PLEKHM1: variants seen among roughly 807,000 people sequenced by gnomAD.
PLEKHM1 encodes pleckstrin homology and RUN domain containing M1, also known as pleckstrin homology domain-containing family M member 1.
A neutral mutation model predicts 94.3 loss-of-function variants in PLEKHM1; 28 were observed. The observed-to-expected ratio is 0.30, with a 90% CI of 0.22 to 0.41. The LOEUF (loss-of-function observed/expected upper bound fraction) is 0.41. Among genes scored for constraint, PLEKHM1 ranks in the 10% least tolerant of loss-of-function variants. The pLI is 1.00. For synonymous variants in PLEKHM1, 424 were observed against 581.2 expected (o/e 0.73, Z 3.89); for missense variants, 907 against 1,358.6 (o/e 0.67, Z 5.22).
intron 4 of PLEKHM1, among the ~76,000 whole-genome samples, chr17:45,469,739 C>T (rs1436668427): frequency 1.3e-5 from 2 of 152,184 alleles, no homozygotes; most frequent in East Asian, 1.9e-4. Flanking sequence ...CATTTCAAGA[C>T]ATTATGGTCA....
intron 9 of PLEKHM1, among the ~76,000 whole-genome samples, chr17:45,442,087 C>G (rs2050466024): frequency 6.6e-6 from 1 of 152,118 alleles, no homozygotes; most frequent in African/African-American, 2.4e-5. Flanking sequence ...GGTGGGTGGA[C>G]AGGGTGTGGG....
intron 5 of PLEKHM1, among the ~76,000 whole-genome samples, chr17:45,463,567 A>G (rs1243453792): frequency 3.9e-5 from 6 of 152,064 alleles, no homozygotes; most frequent in Non-Finnish European, 5.9e-5. Context: ...TAATTTTTGT[A>G]TTTTTAGTAC....
intron 9 of PLEKHM1, among the ~76,000 whole-genome samples, chr17:45,443,467 TC>T (rs1189185330): frequency 2.0e-5 from 3 of 152,242 alleles, no homozygotes; most frequent in Admixed American, 2.0e-4. Flanking sequence ...CCATGGGACT[TC>T]CACAGGCATG....
At chr17:45,435,326 T>C (rs2050230300), downstream of PLEKHM1, among the ~76,000 whole-genome samples, 1 of 152,236 alleles carries the variant, frequency 6.6e-6, no homozygotes, top group Non-Finnish European at 1.5e-5. Context: ...TTCCTGCTCC[T>C]GTTCTTAAAA....
At chr17:45,478,926 G>T (rs973873645) in intron 2 of PLEKHM1, among the ~76,000 whole-genome samples, 1 of 151,982 alleles carries the variant, frequency 6.6e-6, no homozygotes, top group Non-Finnish European at 1.5e-5. Flanking sequence ...CCACTTAACC[G>T]CTTTGAGCCT....
chr17:45,463,232 A>T (rs559770150), intron 5 of PLEKHM1, among the ~76,000 whole-genome samples: 3 of 152,084 alleles, frequency 2.0e-5, no homozygotes, highest in Non-Finnish European at 4.4e-5. Context: ...TTACTCTCTT[A>T]AGCAACAGGG....
chr17:45,478,294 T>G, intron 2 of PLEKHM1, 147 bp from the exon 3 acceptor site: 2 of 886,284 alleles, frequency 2.3e-6, no homozygotes, highest in South Asian at 2.8e-5. Context: ...TCTGCAAAAT[T>G]AGCACATTGT....
intron 1 of PLEKHM1, among the ~76,000 whole-genome samples, chr17:45,482,983 C>T (rs1448299532): frequency 6.6e-6 from 1 of 151,852 alleles, no homozygotes; most frequent in Non-Finnish European, 1.5e-5. Flanking sequence ...TCCTGCAACA[C>T]CCTGCCCCCA....
chr17:45,436,610 C>T lies in PLEKHM1; in HGVS notation c.*1248G>A, dbSNP rs1297385454. The T allele has an allele frequency of 2.2e-6, 1 of 453,962 alleles. No homozygotes were observed. Among genetic ancestry groups the T allele is most frequent in the Non-Finnish European group, 4.4e-6 (1 of 226,614 alleles). The allele number at this position is 453,962 out of a possible 1,614,324, so 28.1% of individuals were successfully genotyped here. A position where few individuals can be genotyped will look rare whatever the true frequency, so the allele number is the denominator to read the frequency against. Reference sequence around the variant, plus strand: ...GGCGACAGAGAGACCAGCAAACCCACATTTCCCCGAAGCCTGGAGGGTCTG... The same window carrying T: ...GGCGACAGAGAGACCAGCAAACCCATATTTCCCCGAAGCCTGGAGGGTCTG... On this transcript the variant is annotated 3_prime_UTR_variant, in exon 12 of 12. Transcript: ENST00000430334.
chr17:45,459,956 T>C (rs537328770), intron 5 of PLEKHM1: 10 of 150,222 alleles, frequency 6.7e-5, no homozygotes, highest in African/African-American at 2.4e-4. Flanking sequence ...TTTGCAGAAG[T>C]AATTAGTTAA....
intron 4 of PLEKHM1, among the ~76,000 whole-genome samples, chr17:45,472,481 G>C (rs2051548984): frequency 6.6e-6 from 1 of 152,196 alleles, no homozygotes; most frequent in Non-Finnish European, 1.5e-5. Flanking sequence ...CATATGACAA[G>C]GGATGGCTGG....
At chr17:45,476,546 C>T (rs1385168777) in intron 3 of PLEKHM1, among the ~76,000 whole-genome samples, 1 of 152,098 alleles carries the variant, frequency 6.6e-6, no homozygotes, top group East Asian at 1.9e-4. Flanking sequence ...GGGGTAATGG[C>T]CCCACACCCA....
Position 45,468,557 on chromosome 17 carries a change from A to T in PLEKHM1, c.960T>A (p.Ser320=), listed in dbSNP as rs2051397009. 6.2e-7 allele frequency: 1 copy of T among 1,614,230 alleles called. No individual in the cohort carries two copies. The highest frequency in any genetic ancestry group is 8.5e-7 in the Non-Finnish European group (1 of 1,180,040). The change falls in exon 5 of 12, where the codon TCT becomes TCA. Residue 320 remains serine, a synonymous_variant. Coordinates refer to ENST00000430334, the MANE Select transcript of PLEKHM1 (RefSeq NM_014798.3). ...CTTGGCTCAGTCCGTTGGTTGGCAC[A>T]GAGTTTACCTGGGCTTTGCTGAATT... The part of the protein sequence containing the change: ...LLEFSKAQVN[S]VPTNGLSQET...
rs770017312 is a variant in PLEKHM1, at chr17:45,458,363, T to C, written c.1385A>G (p.His462Arg). 1 of 1,613,792 alleles carries C rather than the reference T, an allele frequency of 6.2e-7. No homozygotes were observed. The highest frequency in any genetic ancestry group is 2.2e-5 in the East Asian group (1 of 44,898). ...AGTCCCCCTGTAAGAAGCTATTGGG[T>C]GGTCTGAAGCACTCTCCAGGGGTTG... ...REQPLESASD[H>R]PIASYRGTPG... Residue 462 changes from histidine to arginine, a missense_variant, in exon 6 of 12, where the codon CAC becomes CGC. By Grantham distance (29) the His-to-Arg change is conservative. Transcript: ENST00000430334.
chr17:45,485,627 G>A (rs1330057940), intron 1 of PLEKHM1, among the ~76,000 whole-genome samples: 5 of 152,120 alleles, frequency 3.3e-5, no homozygotes, highest in Non-Finnish European at 7.3e-5. Context: ...GCCAGGTGCC[G>A]TGGCCCACAC....
intron 3 of PLEKHM1, chr17:45,476,018 G>A (rs908845970): frequency 9.7e-5 from 46 of 475,546 alleles, no homozygotes; most frequent in Non-Finnish European, 1.4e-4. Context: ...TGGCTTGCAC[G>A]TGTAGTCCCA....
At chr17:45,435,452 A>G (rs2050232192), downstream of PLEKHM1, among the ~76,000 whole-genome samples, 1 of 152,168 alleles carries the variant, frequency 6.6e-6, no homozygotes, top group African/African-American at 2.4e-5. Context: ...TGAGCCCTGA[A>G]TCGGGGGATC....
intron 4 of PLEKHM1, among the ~76,000 whole-genome samples, chr17:45,469,568 G>A (rs1162729247): frequency 6.6e-6 from 1 of 152,174 alleles, no homozygotes; most frequent in Non-Finnish European, 1.5e-5. Flanking sequence ...GCTGTCTAAG[G>A]CCCCAAAGCC....
intron 2 of PLEKHM1, among the ~76,000 whole-genome samples, chr17:45,482,104 C>G (rs903710944): frequency 6.6e-6 from 1 of 151,192 alleles, no homozygotes; most frequent in Non-Finnish European, 1.5e-5. Flanking sequence ...AAACAACAAA[C>G]CAGTGCCTGG....
Sources: gnomAD v4.1 joint callset for allele counts (sites outside exome capture counted in the v4.1 genomes callset) on GRCh38, gnomAD v4.1.1 for gene constraint, MANE v1.5 for transcripts, NCBI Gene and HGNC (gene_info 2026-07-23, HGNC 2026-07-21) for gene names.